Variants in SESTD1 observed in about 807,000 individuals in gnomAD.
SESTD1 encodes SEC14 and spectrin domain containing 1, also known as SEC14 domain and spectrin repeat-containing protein 1.
SESTD1 carries 43 observed loss-of-function variants against 101.7 expected under a neutral mutation model. The observed-to-expected ratio is 0.42, with a 90% CI of 0.33 to 0.55. SESTD1 has a LOEUF of 0.55. Among genes scored for constraint, SESTD1 ranks in the 20% least tolerant of loss-of-function variants. The pLI, the probability that SESTD1 is intolerant of heterozygous loss-of-function variation, is 0.07. For missense variants in SESTD1, 647 were observed against 815.1 expected (o/e 0.79, Z 2.51); for synonymous variants, 283 against 286.8 (o/e 0.99, Z 0.13).
rs529926009 is a variant in SESTD1, at chr2:179,204,145, C to T, written c.-25-12279G>A. Among the ~76,000 whole-genome samples the T allele has an allele frequency of 3.0e-5, 4 of 133,880 alleles. 1 individual carries two copies. In the East Asian group the frequency reaches 8.0e-4, roughly 27 times the overall value. The allele number at this position is 133,880 out of a possible 152,430, so 87.8% of individuals were successfully genotyped here. A position where few individuals can be genotyped will look rare whatever the true frequency, so the allele number is the denominator to read the frequency against. ...ATATACACACACATACACGTGTGTA[C>T]AGATGAAAAAAGAAAGAACTTTTAT... On this transcript the variant is annotated intron_variant, in intron 1 of 17. Coordinates refer to ENST00000428443, the MANE Select transcript of SESTD1 (RefSeq NM_178123.5).
At chr2:179,147,519 G>A (rs1461898704) in intron 7 of SESTD1, among the ~76,000 whole-genome samples, 3 of 151,968 alleles carry the variant, frequency 2.0e-5, no homozygotes, top group South Asian at 2.1e-4. Flanking sequence ...GTGCCACCAC[G>A]CCTGGCTAAT....
rs529683972 is a variant in SESTD1, at chr2:179,166,553, T to C, written c.369+5567A>G. Among the ~76,000 whole-genome samples, 26 of 152,212 alleles carry C rather than the reference T, an allele frequency of 1.7e-4. No individual in the cohort carries two copies. The South Asian group carries it at 2.7e-3, about 16-fold the overall frequency. On this transcript the variant is annotated intron_variant, in intron 5 of 17. Transcript: ENST00000428443. ...CCCAAAACTGGGGGAGGGGCAACAT[T>C]ACCCACTAGGCTGAGGGACACAGAG...
In SESTD1 at chr2:179,149,290, CACCT is replaced by C; in HGVS notation, c.581+3_581+6del. On this transcript the variant is annotated splice_donor_5th_base_variant and intron_variant, in intron 7 of 17. Transcript: ENST00000428443. ...AAGGATATAATTGCATGCCACTAGC[CACCT>C]ACCTTTCTTTCTCTTGCTGATTTCC... 1 of 1,601,290 alleles carries C rather than the reference CACCT, an allele frequency of 6.2e-7. No homozygotes were observed. The highest frequency in any genetic ancestry group is 8.5e-7 in the Non-Finnish European group (1 of 1,171,820).
intron 1 of SESTD1, among the ~76,000 whole-genome samples, chr2:179,241,073 TAAATA>T (rs747880060): frequency 1.1e-4 from 16 of 151,420 alleles, no homozygotes; most frequent in Middle Eastern, 3.2e-3. Flanking sequence ...ATACAATAAT[TAAATA>T]AAAGTGCAGT....
intron 1 of SESTD1, among the ~76,000 whole-genome samples, chr2:179,246,825 T>C (rs536957198): frequency 1.1e-4 from 17 of 152,278 alleles, no homozygotes; most frequent in South Asian, 6.2e-4. Flanking sequence ...AACCACTTAG[T>C]AACCAAGTAA....
At chr2:179,116,263 G>C (rs1391597309) in intron 15 of SESTD1, among the ~76,000 whole-genome samples, 1 of 148,450 alleles carries the variant, frequency 6.7e-6, no homozygotes, top group Non-Finnish European at 1.5e-5. Flanking sequence ...AACAGAGGAA[G>C]ACTGTGTCTT....
chr2:179,199,976 A>G (rs2046479849), intron 1 of SESTD1, among the ~76,000 whole-genome samples: 3 of 152,148 alleles, frequency 2.0e-5, no homozygotes, highest in Admixed American at 6.5e-5. Flanking sequence ...GAAAAGGGGA[A>G]GTCAAATTGT....
At chr2:179,136,403 T>C (rs2045145637) in intron 9 of SESTD1, among the ~76,000 whole-genome samples, 1 of 152,144 alleles carries the variant, frequency 6.6e-6, no homozygotes, top group Non-Finnish European at 1.5e-5. Flanking sequence ...CTTGAGAAAG[T>C]CCCTGAACTA....
chr2:179,135,941 C>T (rs1350597305), intron 9 of SESTD1, among the ~76,000 whole-genome samples: 7 of 152,168 alleles, frequency 4.6e-5, no homozygotes, highest in Non-Finnish European at 8.8e-5. Context: ...GTTTTTTCCT[C>T]AACACATCCA....
intron 1 of SESTD1, among the ~76,000 whole-genome samples, chr2:179,262,543 A>T (rs2047498117): frequency 6.6e-6 from 1 of 152,180 alleles, no homozygotes; most frequent in Non-Finnish European, 1.5e-5. Flanking sequence ...TAACAGCTTT[A>T]AAAGATCTTT....
In SESTD1 at chr2:179,123,849, A is replaced by C; in HGVS notation, c.1168-20T>G. ...AGACAACTAAAGCAGAGGGACACCA[A>C]AGAGATAACCCTGATGTAATCAGCA... On this transcript the variant is annotated intron_variant, in intron 11 of 17. Coordinates refer to ENST00000428443, the MANE Select transcript of SESTD1 (RefSeq NM_178123.5). 1.3e-6 allele frequency: 2 copies of C among 1,551,018 alleles called. No individual in the cohort carries two copies. The highest frequency in any genetic ancestry group is 1.8e-6 in the Non-Finnish European group (2 of 1,123,004).
intron 1 of SESTD1, among the ~76,000 whole-genome samples, chr2:179,243,925 AATATATATATATGTGTGTGTATATAT>A (rs982237336): frequency 7.0e-6 from 1 of 142,490 alleles, no homozygotes; most frequent in East Asian, 2.0e-4. Flanking sequence ...AATTATTAAA[AATATATATATATGTGTGTGTATATAT>A]ATATATATAT....
In SESTD1 at chr2:179,174,568, C is replaced by T. The variant is rs1466930909; in HGVS notation, c.255+1880G>A. 3 of 394,540 alleles carry T rather than the reference C, an allele frequency of 7.6e-6. No homozygotes were observed. The East Asian group carries it at 2.3e-4, about 30-fold the overall frequency. The allele number at this position is 394,540 out of a possible 1,614,324, so 24.4% of individuals were successfully genotyped here. A position where few individuals can be genotyped will look rare whatever the true frequency, so the allele number is the denominator to read the frequency against. On this transcript the variant is annotated intron_variant, in intron 4 of 17. Transcript: ENST00000428443. ...ACTTTCACAGAGAAGAGTTAATTCT[C>T]AAGGCTTGAAATATAAAAGTGCTGG...
At chr2:179,124,310 A>G in intron 11 of SESTD1, 54 bp downstream of exon 11, 1 of 1,525,042 alleles carries the variant, frequency 6.6e-7, no homozygotes, top group Admixed American at 1.9e-5. Flanking sequence ...AATTACGTGT[A>G]GGTAAGTGTT....
Position 179,104,460 on chromosome 2 carries a change from G to C in SESTD1, c.*5439C>G, listed in dbSNP as rs1047846199. The C allele has an allele frequency of 2.0e-5, 3 of 152,090 alleles. No homozygotes were observed. The highest frequency in any genetic ancestry group is 7.2e-5 in the African/African-American group (3 of 41,416). 9.4% of individuals were successfully genotyped at this position (152,090 alleles called of 1,614,324 possible). A position where few individuals can be genotyped will look rare whatever the true frequency, so the allele number is the denominator to read the frequency against. On this transcript the variant is annotated 3_prime_UTR_variant, in exon 18 of 18. Transcript: ENST00000428443. ...AAGAATCTGTAACTGTAATAGAAAA[G>C]AAGTGAGGCTTGGTCATAAATAGTG...
At chr2:179,249,196 T>A (rs950434528) in intron 1 of SESTD1, among the ~76,000 whole-genome samples, 90 of 70,048 alleles carry the variant, frequency 1.3e-3, no homozygotes, top group African/African-American at 1.9e-3. Context: ...GGAAAGGAAA[T>A]AAAAGGCATA....
At chr2:179,183,721 A>AT (rs2046158724) in intron 2 of SESTD1, among the ~76,000 whole-genome samples, 2 of 151,838 alleles carry the variant, frequency 1.3e-5, no homozygotes, top group African/African-American at 4.8e-5. Flanking sequence ...CTGTAGTCTC[A>AT]TATCCCAGCT....
At chr2:179,261,647 G>C (rs2047484825) in intron 1 of SESTD1, among the ~76,000 whole-genome samples, 1 of 152,064 alleles carries the variant, frequency 6.6e-6, no homozygotes. Flanking sequence ...ACAAGTGTTG[G>C]CAAGGATGTG....
chr2:179,214,848 T>G (rs1245968962), intron 1 of SESTD1, among the ~76,000 whole-genome samples: 1 of 134,398 alleles, frequency 7.4e-6, no homozygotes, highest in East Asian at 2.0e-4. Context: ...TCAAAACCAC[T>G]CAACTACATG....
Sources: allele counts gnomAD v4.1 joint callset (sites outside exome capture counted in the v4.1 genomes callset), GRCh38; gene constraint gnomAD v4.1.1; transcripts MANE v1.5; gene names NCBI Gene and HGNC (gene_info 2026-07-23, HGNC 2026-07-21).